STAG1: variants seen among roughly 807,000 people sequenced by gnomAD.
STAG1 encodes STAG1 cohesin complex component.
In STAG1, 26 loss-of-function variants were observed where a neutral mutation model predicts 170.9. The ratio of observed to expected loss-of-function variants is 0.15; its 90% CI spans 0.11 to 0.21. STAG1 has a LOEUF of 0.21. Ranked by LOEUF, STAG1 falls within the 10% of genes least tolerant of loss-of-function variation. The pLI is 1.00. For synonymous variants in STAG1, 514 were observed against 497.7 expected, an observed-to-expected ratio of 1.03 and a Z score of -0.44; for missense variants, 964 against 1,509.5, an observed-to-expected ratio of 0.64 and a Z score of 5.99.
intron 25 of STAG1, among the ~76,000 whole-genome samples, chr3:136,366,256 G>C (rs1937070831): frequency 6.6e-6 from 1 of 151,984 alleles, no homozygotes; most frequent in Non-Finnish European, 1.5e-5. Flanking sequence ...ACATCACAGG[G>C]GGATTAGAAA....
At chr3:136,435,179 T>C (rs2088420295) in intron 15 of STAG1, among the ~76,000 whole-genome samples, 1 of 152,216 alleles carries the variant, frequency 6.6e-6, no homozygotes, top group South Asian at 2.1e-4. Flanking sequence ...TAAAATTTTG[T>C]TTAATTTCTA....
chr3:136,412,147 T>C (rs1320717491), intron 21 of STAG1, among the ~76,000 whole-genome samples: 1 of 152,082 alleles, frequency 6.6e-6, no homozygotes, highest in Admixed American at 6.5e-5. Context: ...TTACAACTTG[T>C]CAAATAAAAC....
chr3:136,363,595 G>A, intron 25 of STAG1, 128 bp from the exon 26 acceptor site: 2 of 455,114 alleles, frequency 4.4e-6, no homozygotes, highest in Non-Finnish European at 7.7e-6. Context: ...GTAAAAGAAA[G>A]GAAAGGTAAA....
intron 7 of STAG1, among the ~76,000 whole-genome samples, chr3:136,520,115 A>G (rs1391998601): frequency 6.6e-6 from 1 of 152,156 alleles, no homozygotes; most frequent in African/African-American, 2.4e-5. Context: ...TCCAGTTATT[A>G]TCTTATTGGC....
intron 4 of STAG1, among the ~76,000 whole-genome samples, chr3:136,578,779 T>C (rs1054619445): frequency 6.6e-6 from 1 of 152,168 alleles, no homozygotes; most frequent in Non-Finnish European, 1.5e-5. Context: ...CTCATGTCTG[T>C]CTAAGAGTGG....
chr3:136,369,004 G>C (rs1213455550), intron 24 of STAG1, 104 bp downstream of exon 24: 2 of 1,166,780 alleles, frequency 1.7e-6, no homozygotes, highest in Non-Finnish European at 2.3e-6. Flanking sequence ...TTTTTTAAAA[G>C]AAAGAAATCT....
intron 10 of STAG1, among the ~76,000 whole-genome samples, chr3:136,476,445 C>A (rs1251462803): frequency 6.6e-6 from 1 of 152,124 alleles, no homozygotes. Context: ...ATGGAACTTG[C>A]TCAATGAATA....
At chr3:136,495,334 C>T (rs1933020806) in intron 9 of STAG1, among the ~76,000 whole-genome samples, 1 of 151,868 alleles carries the variant, frequency 6.6e-6, no homozygotes, top group Non-Finnish European at 1.5e-5. Flanking sequence ...ATAGAAGAGA[C>T]AAAATGATTA....
intron 3 of STAG1, 71 bp from the exon 4 acceptor site, chr3:136,604,544 T>C (rs1938839644): frequency 4.7e-6 from 6 of 1,284,708 alleles, no homozygotes; most frequent in Non-Finnish European, 5.2e-6. Flanking sequence ...ATCACTACTA[T>C]AGAAGAAATA....
chr3:136,359,925 A>G (rs1936797047), intron 26 of STAG1, among the ~76,000 whole-genome samples: 1 of 152,252 alleles, frequency 6.6e-6, no homozygotes, highest in South Asian at 2.1e-4. Flanking sequence ...TATGAAATAT[A>G]GGGTTAAGAG....
At chr3:136,526,546 T>C (rs1360578279) in intron 6 of STAG1, among the ~76,000 whole-genome samples, 2 of 152,224 alleles carry the variant, frequency 1.3e-5, no homozygotes, top group African/African-American at 2.4e-5. Context: ...TGACTCTTTA[T>C]CCAATTTGCC....
Position 136,443,742 on chromosome 3 carries a change from C to T in STAG1, c.1429-338G>A, listed in dbSNP as rs541197152. Among the ~76,000 whole-genome samples, 6 of 150,518 alleles carry T rather than the reference C, an allele frequency of 4.0e-5. No homozygotes were observed. The South Asian group carries it at 1.3e-3, about 32-fold the overall frequency. On this transcript the variant is annotated intron_variant, in intron 14 of 33. Coordinates refer to ENST00000383202, the MANE Select transcript of STAG1 (RefSeq NM_005862.3). Reference sequence around the variant, plus strand: ...TTTTCCCTACTCCTTGCGGTCTCTTCAACTATCTTTATTTTTATTTTTTAA... The same window carrying T: ...TTTTCCCTACTCCTTGCGGTCTCTTTAACTATCTTTATTTTTATTTTTTAA...
intron 3 of STAG1, among the ~76,000 whole-genome samples, chr3:136,614,611 A>T (rs1169050669): frequency 6.6e-6 from 1 of 152,244 alleles, no homozygotes; most frequent in Non-Finnish European, 1.5e-5. Flanking sequence ...AGCAATCTTT[A>T]GGACAACTGT....
intron 1 of STAG1, among the ~76,000 whole-genome samples, chr3:136,677,757 A>G (rs1428033193): frequency 1.3e-5 from 2 of 151,806 alleles, no homozygotes; most frequent in Non-Finnish European, 2.9e-5. Context: ...AATCAAAATA[A>G]ATTTCTGTTG....
chr3:136,468,394 C>A (rs1416617894), intron 12 of STAG1, among the ~76,000 whole-genome samples: 3 of 152,168 alleles, frequency 2.0e-5, no homozygotes, highest in Non-Finnish European at 2.9e-5. Flanking sequence ...CGCAAATAAA[C>A]TAGAAAATCT....
At chr3:136,562,361 C>T (rs1343563005) in intron 5 of STAG1, among the ~76,000 whole-genome samples, 1 of 150,746 alleles carries the variant, frequency 6.6e-6, no homozygotes, top group African/African-American at 2.4e-5. Context: ...CCTGGGCTCA[C>T]GCGATTCTCC....
intron 1 of STAG1, among the ~76,000 whole-genome samples, chr3:136,645,734 C>A (rs552164874): frequency 4.6e-5 from 7 of 152,168 alleles, no homozygotes; most frequent in Non-Finnish European, 8.8e-5. Flanking sequence ...ACTCTGAATT[C>A]TCTTAGTTAC....
chr3:136,565,524 A>G (rs1157950190), intron 5 of STAG1, among the ~76,000 whole-genome samples: 2 of 152,244 alleles, frequency 1.3e-5, no homozygotes, highest in Non-Finnish European at 2.9e-5. Flanking sequence ...AAACTATAAA[A>G]TAACAAGTGT....
At chr3:136,372,855 G>A (rs951999309) in intron 23 of STAG1, among the ~76,000 whole-genome samples, 97 of 152,218 alleles carry the variant, frequency 6.4e-4, no homozygotes, top group African/African-American at 2.3e-3. Flanking sequence ...GGATGCTGCT[G>A]GCCTCATAAA....
Sources: gnomAD v4.1 joint callset for allele counts (sites outside exome capture counted in the v4.1 genomes callset) on GRCh38, gnomAD v4.1.1 for gene constraint, MANE v1.5 for transcripts, NCBI Gene and HGNC (gene_info 2026-07-23, HGNC 2026-07-21) for gene names.